The following PCYT1B variants were observed in gnomAD, a reference collection of about 807,000 sequenced individuals.
PCYT1B encodes choline-phosphate cytidylyltransferase B.
In PCYT1B, 10 loss-of-function variants were observed where a neutral mutation model predicts 26.4. That is an observed-to-expected ratio of 0.38 (90% CI 0.23 to 0.64). The LOEUF is 0.64. Ranked by LOEUF, PCYT1B falls within the 30% of genes least tolerant of loss-of-function variation. The pLI, the probability that PCYT1B is intolerant of heterozygous loss-of-function variation, is 0.56. For synonymous variants in PCYT1B, 131 were observed against 108.4 expected (o/e 1.21, Z -1.29); for missense variants, 161 against 292.7 (o/e 0.55, Z 3.28).
At chrX:24,657,799 G>A (rs2148279190) in intron 1 of PCYT1B, among the ~76,000 whole-genome samples, 1 of 111,834 alleles carries the variant, frequency 8.9e-6, no homozygotes, top group South Asian at 3.7e-4. Flanking sequence ...TTTTTAAGCA[G>A]GTGAATGATG....
chrX:24,607,415 T>G (rs1331614522), intron 3 of PCYT1B, among the ~76,000 whole-genome samples: 1 of 112,257 alleles, frequency 8.9e-6, no homozygotes, highest in Non-Finnish European at 1.9e-5. Flanking sequence ...GCTTCTCTTA[T>G]CCCTCTAGAA....
chrX:24,622,906 A>G (rs1203204236), intron 1 of PCYT1B, among the ~76,000 whole-genome samples: 1 of 112,252 alleles, frequency 8.9e-6, no homozygotes, highest in East Asian at 2.8e-4. Context: ...TGAAGAAATA[A>G]AAGCATGTAA....
chrX:24,609,428 C>CA (rs1315537066), intron 2 of PCYT1B, among the ~76,000 whole-genome samples: 1 of 111,816 alleles, frequency 8.9e-6, no homozygotes, highest in Non-Finnish European at 1.9e-5. Flanking sequence ...CTCAGCCTCT[C>CA]AAAGTGCTGG....
intron 1 of PCYT1B, among the ~76,000 whole-genome samples, chrX:24,669,130 T>C (rs1467799657): frequency 1.8e-5 from 2 of 111,867 alleles, no homozygotes; most frequent in Non-Finnish European, 3.8e-5. Context: ...AAAAGAGATA[T>C]TATGGTTTAA....
At chrX:24,650,971 G>A (rs1349956651), upstream of PCYT1B, among the ~76,000 whole-genome samples, 3 of 111,781 alleles carry the variant, frequency 2.7e-5, no homozygotes, top group Non-Finnish European at 3.8e-5. Context: ...TTATGGGCAC[G>A]TGTTAGCATT....
At chrX:24,625,595 T>C (rs746601739) in intron 1 of PCYT1B, among the ~76,000 whole-genome samples, 5 of 108,451 alleles carry the variant, frequency 4.6e-5, no homozygotes, top group African/African-American at 1.7e-4. Context: ...ATGTATGGAA[T>C]GTACATGTTA....
intron 4 of PCYT1B, among the ~76,000 whole-genome samples, chrX:24,587,565 A>G (rs61761912): frequency 5.5e-4 from 61 of 111,320 alleles, no homozygotes; most frequent in African/African-American, 2.0e-3. Context: ...TTCTTGTCCT[A>G]CCCCAGAGAG....
rs1471216724 is a variant in PCYT1B at position 24,558,796 on chromosome X, G to A, written c.*3497C>T. 3 of 109,832 alleles carry A rather than the reference G, an allele frequency of 2.7e-5. No individual in the cohort carries two copies. The highest frequency in any genetic ancestry group is 3.9e-4 in the South Asian group (1 of 2,535). The allele number at this position is 109,832 out of a possible 1,213,427, so 9.1% of individuals were successfully genotyped here. ...GGAGCATGCTTGCCAGAAGCAAGTC[G>A]TTCAGTGTGACTTATGGCACAGCAA... On this transcript the variant is annotated 3_prime_UTR_variant, in exon 8 of 8. Transcript: ENST00000379144.
intron 1 of PCYT1B, among the ~76,000 whole-genome samples, chrX:24,627,700 C>T (rs1925925911): frequency 8.9e-6 from 1 of 111,882 alleles, no homozygotes; most frequent in Non-Finnish European, 1.9e-5. Context: ...AAGGTAGAAA[C>T]AAGAAAACCA....
In PCYT1B at chrX:24,608,430, G is replaced by A. The variant is rs745950502; in HGVS notation, c.218-569C>T. 9.8e-5 allele frequency among the ~76,000 whole-genome samples: 11 copies of A among 111,690 alleles called. No individual in the cohort carries two copies. The South Asian group carries it at 3.7e-3, about 38-fold the overall frequency. On this transcript the variant is annotated intron_variant, in intron 2 of 7. Transcript: ENST00000379144. The stretch of plus-strand genomic sequence containing the variant: ...AATCAGGGCTTATTTCCCGCTAGAG[G>A]ACCAGCTGTTAAACCTTTACTAGCA...
At chrX:24,607,173 C>A (rs757454745) in intron 3 of PCYT1B, among the ~76,000 whole-genome samples, 5 of 111,951 alleles carry the variant, frequency 4.5e-5, no homozygotes, top group Non-Finnish European at 9.4e-5. Flanking sequence ...ATAGACTTAG[C>A]GAGTAAATTG....
At chrX:24,625,543 T>C in intron 1 of PCYT1B, among the ~76,000 whole-genome samples, 1 of 109,196 alleles carries the variant, frequency 9.2e-6, no homozygotes, top group Non-Finnish European at 1.9e-5. Flanking sequence ...AGGCCCAGTA[T>C]GTGGTTCAGC....
intron 2 of PCYT1B, among the ~76,000 whole-genome samples, chrX:24,608,520 A>G (rs1300755695): frequency 1.8e-5 from 2 of 111,984 alleles, no homozygotes; most frequent in Admixed American, 1.9e-4. Context: ...TACGCCTCAA[A>G]GGGAGGAGAG....
chrX:24,657,065 A>T (rs1274195316), intron 1 of PCYT1B, among the ~76,000 whole-genome samples: 1 of 112,071 alleles, frequency 8.9e-6, no homozygotes, highest in Non-Finnish European at 1.9e-5. Context: ...TGACATTAGC[A>T]GCTGTGTAGT....
At chrX:24,670,101 AAAGAAAGAAAGAAAGGAAGGAAGG>A (rs1410061591) in intron 1 of PCYT1B, among the ~76,000 whole-genome samples, 16 of 40,654 alleles carry the variant, frequency 3.9e-4, no homozygotes, top group Non-Finnish European at 7.3e-4. Flanking sequence ...AGAAAGAAAG[AAAGAAAGAAAGAAAGGAAGGAAGG>A]AAGGAAGGAA....
intron 7 of PCYT1B, among the ~76,000 whole-genome samples, chrX:24,569,937 A>C (rs1266926562): frequency 9.0e-6 from 1 of 111,696 alleles, no homozygotes; most frequent in Non-Finnish European, 1.9e-5. Context: ...TAATCCCAGC[A>C]CTTCGGGAGG....
intron 1 of PCYT1B, among the ~76,000 whole-genome samples, chrX:24,661,740 A>G (rs1249954315): frequency 1.8e-5 from 2 of 112,586 alleles, no homozygotes; most frequent in Non-Finnish European, 3.8e-5. Flanking sequence ...AATCAATTGC[A>G]ATATGTACAC....
chrX:24,562,477 C>T lies in PCYT1B; in HGVS notation c.926G>A (p.Arg309Gln), dbSNP rs931168726. The change falls in exon 8 of 8, where the codon CGG becomes CAG. Residue 309 changes from arginine to glutamine, a missense_variant. By Grantham distance (43) the Arg-to-Gln change is conservative. Transcript: ENST00000379144. ...WKQMFQERSSRMLQALSPKQS... is the reference protein window; with the variant it reads ...WKQMFQERSSQMLQALSPKQS... ...CTTCGGGGATAAGGCCTGCAGCATC[C>T]GGCTGCTCCTCTCCTGGAACATCTG... 4 of 1,202,874 alleles carry T rather than the reference C, an allele frequency of 3.3e-6. No homozygotes were observed. The East Asian group carries it at 8.9e-5, about 27-fold the overall frequency.
chrX:24,658,104 A>T (rs1471868466), intron 1 of PCYT1B: 1 of 112,004 alleles, frequency 8.9e-6, no homozygotes, highest in African/African-American at 3.2e-5. Flanking sequence ...GGCCTTCTGC[A>T]TATGATACAA....
Sources: allele counts gnomAD v4.1 joint callset (sites outside exome capture counted in the v4.1 genomes callset), GRCh38; gene constraint gnomAD v4.1.1; transcripts MANE v1.5; gene names NCBI Gene and HGNC (gene_info 2026-07-23, HGNC 2026-07-21).